Variants in NRXN1 observed in about 807,000 individuals in gnomAD.
The protein encoded by NRXN1 is neurexin-1.
Under a neutral mutation model 150.9 loss-of-function variants are expected in NRXN1, and 39 were observed. The observed-to-expected ratio is 0.26, with a 90% CI of 0.20 to 0.34. The LOEUF (loss-of-function observed/expected upper bound fraction) is 0.34, where lower values mean the gene tolerates loss of function less well. Among genes scored for constraint, NRXN1 ranks in the 10% least tolerant of loss-of-function variants. The pLI is 1.00. For synonymous variants in NRXN1, 924 were observed against 757.0 expected, an observed-to-expected ratio of 1.22 and a Z score of -3.62; for missense variants, 1,815 against 1,949.9, an observed-to-expected ratio of 0.93 and a Z score of 1.30.
chr2:50,779,762 C>T (rs776474883), intron 5 of NRXN1, among the ~76,000 whole-genome samples: 3 of 151,058 alleles, frequency 2.0e-5, no homozygotes, highest in Admixed American at 6.6e-5. Context: ...AGCCGGACTC[C>T]GTCGCAAAAA....
At position 50,939,966 on chromosome 2, in the gene NRXN1, G is replaced by C. The variant is rs188504282; in HGVS notation, c.773-14011C>G. On this transcript the variant is annotated intron_variant, in intron 2 of 22. Coordinates refer to ENST00000401669, the MANE Select transcript of NRXN1 (RefSeq NM_001330078.2). ...TTTTAAGAACCACCCATTGCATTTA[G>C]AATTATAAAGCCATCAATTAAATTT... is the stretch of plus-strand genomic sequence containing the variant. 2.1e-3 allele frequency among the ~76,000 whole-genome samples: 319 copies of C among 152,138 alleles called. 1 individual carries two copies. Among genetic ancestry groups the C allele is most frequent in the Middle Eastern group, 0.02 (6 of 294 alleles).
chr2:50,236,069 CT>C (rs2065388959), intron 18 of NRXN1, among the ~76,000 whole-genome samples: 1 of 151,974 alleles, frequency 6.6e-6, no homozygotes, highest in Non-Finnish European at 1.5e-5. Context: ...ATAAGTGCCC[CT>C]GAACCCTAAA....
intron 5 of NRXN1, among the ~76,000 whole-genome samples, chr2:50,916,631 T>A (rs1338210810): frequency 6.6e-6 from 1 of 151,672 alleles, no homozygotes; most frequent in Non-Finnish European, 1.5e-5. Flanking sequence ...TAAGTTTCTA[T>A]TCATACCACC....
chr2:50,271,840 G>C lies in NRXN1; in HGVS notation c.3365-34870C>G, dbSNP rs191184662. Among the ~76,000 whole-genome samples the C allele has an allele frequency of 7.2e-5, 11 of 151,934 alleles. No individual in the cohort carries two copies. In the East Asian group the frequency reaches 2.1e-3, roughly 29 times the overall value. On this transcript the variant is annotated intron_variant, in intron 17 of 22. Transcript: ENST00000401669. ...TAAACAAAATTTTTTAAAAAGACAA[G>C]AGAAAAAAAATCAAATAAAACTAAA... is the stretch of plus-strand genomic sequence containing the variant.
At chr2:50,845,400 T>A (rs1673493356) in intron 5 of NRXN1, among the ~76,000 whole-genome samples, 1 of 152,180 alleles carries the variant, frequency 6.6e-6, no homozygotes, top group Non-Finnish European at 1.5e-5. Context: ...ATCGTCTCAA[T>A]TTTCAAAAGA....
intron 21 of NRXN1, among the ~76,000 whole-genome samples, chr2:49,954,584 G>A (rs754760000): frequency 6.6e-6 from 1 of 152,126 alleles, no homozygotes; most frequent in Admixed American, 6.6e-5. Context: ...AGAGAAAAAG[G>A]GAGAGGGAGA....
intron 18 of NRXN1, among the ~76,000 whole-genome samples, chr2:50,131,231 T>C (rs1312696423): frequency 2.6e-5 from 4 of 152,226 alleles, no homozygotes; most frequent in African/African-American, 9.6e-5. Context: ...TGCGGCCCTT[T>C]TCCACTTAAT....
intron 17 of NRXN1, among the ~76,000 whole-genome samples, chr2:50,373,391 T>A (rs2153021541): frequency 6.7e-6 from 1 of 149,054 alleles, no homozygotes; most frequent in African/African-American, 2.5e-5. Flanking sequence ...AAATTGTTGT[T>A]GATATTCCTC....
chr2:50,369,069 A>G (rs1161670104), intron 17 of NRXN1, among the ~76,000 whole-genome samples: 1 of 151,970 alleles, frequency 6.6e-6, no homozygotes, highest in Non-Finnish European at 1.5e-5. Context: ...TACCCTGACT[A>G]GGCAAATAAC....
chr2:49,986,532 T>C (rs1195764896), intron 21 of NRXN1, among the ~76,000 whole-genome samples: 1 of 152,194 alleles, frequency 6.6e-6, no homozygotes, highest in Non-Finnish European at 1.5e-5. Flanking sequence ...TTTCATGTCA[T>C]GTAGTCTTTA....
At chr2:50,487,573 C>T (rs2090965223) in intron 15 of NRXN1, among the ~76,000 whole-genome samples, 1 of 152,148 alleles carries the variant, frequency 6.6e-6, no homozygotes, top group Non-Finnish European at 1.5e-5. Context: ...GCATTTCTAC[C>T]GTGGGAGCAG....
At chr2:50,450,303 C>T (rs939964352) in intron 17 of NRXN1, among the ~76,000 whole-genome samples, 1 of 152,102 alleles carries the variant, frequency 6.6e-6, no homozygotes, top group Non-Finnish European at 1.5e-5. Flanking sequence ...CAATGGTTTG[C>T]AGCACACAAT....
intron 8 of NRXN1, among the ~76,000 whole-genome samples, chr2:50,597,600 G>T (rs1675452475): frequency 6.6e-6 from 1 of 152,096 alleles, no homozygotes. Context: ...ATATCCAAAT[G>T]TTCAACACCT....
At chr2:50,575,694 T>G in intron 8 of NRXN1, among the ~76,000 whole-genome samples, 1 of 152,194 alleles carries the variant, frequency 6.6e-6, no homozygotes, top group East Asian at 1.9e-4. Flanking sequence ...TGGATACCCA[T>G]TTCATAAGGA....
intron 2 of NRXN1, among the ~76,000 whole-genome samples, chr2:51,022,754 G>A (rs1211230771): frequency 6.6e-6 from 1 of 152,118 alleles, no homozygotes; most frequent in African/African-American, 2.4e-5. Flanking sequence ...ATCTTACAAA[G>A]ATTACAAGCA....
chr2:50,679,332 C>T (rs1033467126), intron 5 of NRXN1, among the ~76,000 whole-genome samples: 17 of 152,128 alleles, frequency 1.1e-4, no homozygotes, highest in African/African-American at 4.1e-4. Flanking sequence ...CACAATCAAG[C>T]CAGCAGACAA....
At chr2:50,478,470 T>C (rs1266444204) in intron 15 of NRXN1, among the ~76,000 whole-genome samples, 3 of 152,098 alleles carry the variant, frequency 2.0e-5, no homozygotes, top group African/African-American at 7.3e-5. Flanking sequence ...AGACACAAGA[T>C]CTGTGTCTGT....
At chr2:50,018,710 A>G (rs1399254305) in intron 21 of NRXN1, among the ~76,000 whole-genome samples, 3 of 152,216 alleles carry the variant, frequency 2.0e-5, no homozygotes, top group Non-Finnish European at 4.4e-5. Flanking sequence ...ATTTGTAACC[A>G]TTCTGTTACA....
chr2:50,751,411 T>A (rs552854054), intron 5 of NRXN1, among the ~76,000 whole-genome samples: 6 of 151,988 alleles, frequency 3.9e-5, no homozygotes, highest in Non-Finnish European at 7.4e-5. Flanking sequence ...TCAGGACCTA[T>A]ACAAACACTG....
Sources: allele counts gnomAD v4.1 joint callset (sites outside exome capture counted in the v4.1 genomes callset), GRCh38; gene constraint gnomAD v4.1.1; transcripts MANE v1.5; gene names NCBI Gene and HGNC (gene_info 2026-07-23, HGNC 2026-07-21).